The following RERE variants were observed in gnomAD, a reference collection of about 807,000 sequenced individuals.
RERE encodes arginine-glutamic acid dipeptide repeats protein.
Under a neutral mutation model 146.1 loss-of-function variants are expected in RERE, and 40 were observed. The ratio of observed to expected loss-of-function variants is 0.27; its 90% CI spans 0.21 to 0.36. The LOEUF (loss-of-function observed/expected upper bound fraction) is 0.36. RERE is among the 10% of genes least tolerant of loss of function. The probability of loss-of-function intolerance (pLI) is 1.00; values close to 1 mark genes in which losing one functional copy is unlikely to be tolerated. For missense variants in RERE, 1,933 were observed against 2,138.7 expected, an observed-to-expected ratio of 0.90 and a Z score of 1.90; for synonymous variants, 1,003 against 866.0, an observed-to-expected ratio of 1.16 and a Z score of -2.78.
At chr1:8,554,865 A>G (rs1370062383) in intron 6 of RERE, among the ~76,000 whole-genome samples, 1 of 151,528 alleles carries the variant, frequency 6.6e-6, no homozygotes, top group East Asian at 1.9e-4. Flanking sequence ...GGATTAAGTC[A>G]CTGGTCCCAG....
At chr1:8,456,990 T>A (rs1557640900) in intron 11 of RERE, among the ~76,000 whole-genome samples, 1 of 152,268 alleles carries the variant, frequency 6.6e-6, no homozygotes, top group South Asian at 2.1e-4. Flanking sequence ...CACTACAATC[T>A]CAACTCCATG....
At chr1:8,801,191 T>C (rs1299936476) in intron 1 of RERE, among the ~76,000 whole-genome samples, 2 of 150,144 alleles carry the variant, frequency 1.3e-5, no homozygotes, top group African/African-American at 4.9e-5. Flanking sequence ...GCCCAGGAGG[T>C]TGAGGCTGCA....
In RERE at chr1:8,358,183, C is replaced by T; in HGVS notation, c.4339+13G>A. Reference sequence around the variant, plus strand: ...CCGTGCCTCTGTCCCACCTGCCACGCTGGGGCACGCACCTTGGTGGAGGGG... The same window carrying T: ...CCGTGCCTCTGTCCCACCTGCCACGTTGGGGCACGCACCTTGGTGGAGGGG... On this transcript the variant is annotated intron_variant, in intron 20 of 22. Transcript: ENST00000400908. 1 of 1,577,152 alleles carries T rather than the reference C, an allele frequency of 6.3e-7. No individual in the cohort carries two copies. Among genetic ancestry groups the T allele is most frequent in the Non-Finnish European group, 8.7e-7 (1 of 1,154,174 alleles).
chr1:8,390,388 T>C (rs2708628), intron 12 of RERE, among the ~76,000 whole-genome samples: 29,713 of 152,220 alleles, frequency 0.2, 3,414 homozygotes, highest in Middle Eastern at 0.4. Context: ...CTGGTAGTTT[T>C]GGGAGCTAGC....
chr1:8,761,636 G>A (rs978563156), intron 1 of RERE, among the ~76,000 whole-genome samples: 1 of 152,028 alleles, frequency 6.6e-6, no homozygotes, highest in Non-Finnish European at 1.5e-5. Context: ...TTAGATTCTC[G>A]GCCGGGCATG....
At chr1:8,779,623 A>G (rs1454327070) in intron 1 of RERE, among the ~76,000 whole-genome samples, 1 of 152,094 alleles carries the variant, frequency 6.6e-6, no homozygotes, top group East Asian at 1.9e-4. Context: ...AGATCACGCC[A>G]CTGCACTCCA....
At chr1:8,413,347 T>G (rs1643665536) in intron 12 of RERE, among the ~76,000 whole-genome samples, 1 of 151,862 alleles carries the variant, frequency 6.6e-6, no homozygotes, top group Non-Finnish European at 1.5e-5. Flanking sequence ...AATTTTGTTT[T>G]TTGTTGTTGT....
At chr1:8,388,091 G>A (rs965521653) in intron 12 of RERE, among the ~76,000 whole-genome samples, 8 of 152,118 alleles carry the variant, frequency 5.3e-5, no homozygotes, top group African/African-American at 1.9e-4. Context: ...GCTGCCTCTC[G>A]GGATAAAGGG....
chr1:8,641,745 G>A (rs534726962), intron 2 of RERE, among the ~76,000 whole-genome samples: 125 of 152,268 alleles, frequency 8.2e-4, no homozygotes, highest in Admixed American at 1.9e-3. Context: ...CAACTGTGAG[G>A]CAGTAACATC....
At chr1:8,786,546 G>A (rs1362652284) in intron 1 of RERE, 3 of 778,568 alleles carry the variant, frequency 3.9e-6, no homozygotes, top group East Asian at 4.9e-5. Flanking sequence ...TCCTCAGCAT[G>A]TTAACTGAAG....
At chr1:8,383,202 C>G (rs1642516178) in intron 12 of RERE, among the ~76,000 whole-genome samples, 1 of 151,796 alleles carries the variant, frequency 6.6e-6, no homozygotes, top group African/African-American at 2.4e-5. Context: ...GAAGAGTATT[C>G]TGTCTGAAGA....
At chr1:8,794,436 T>C (rs1165821355) in intron 1 of RERE, among the ~76,000 whole-genome samples, 1 of 151,738 alleles carries the variant, frequency 6.6e-6, no homozygotes, top group Non-Finnish European at 1.5e-5. Context: ...TCTACATCTT[T>C]ATATTAAAGG....
At chr1:8,696,565 G>C (rs909787945) in intron 1 of RERE, among the ~76,000 whole-genome samples, 1 of 152,110 alleles carries the variant, frequency 6.6e-6, no homozygotes, top group African/African-American at 2.4e-5. Context: ...AATGAGCTGA[G>C]ATTGTGCCAC....
chr1:8,483,527 C>A (rs1644861819), intron 10 of RERE, among the ~76,000 whole-genome samples: 1 of 152,206 alleles, frequency 6.6e-6, no homozygotes, highest in African/African-American at 2.4e-5. Context: ...ATAGGGTTAT[C>A]TGCATATTCT....
chr1:8,369,944 C>A (rs1641972022), intron 12 of RERE, among the ~76,000 whole-genome samples: 1 of 152,054 alleles, frequency 6.6e-6, no homozygotes, highest in African/African-American at 2.4e-5. Flanking sequence ...AGCCCGCCAC[C>A]AGCCCGGCTA....
intron 1 of RERE, among the ~76,000 whole-genome samples, chr1:8,809,137 TAAA>T (rs58263107): frequency 5.3e-5 from 5 of 95,054 alleles, no homozygotes; most frequent in Admixed American, 1.1e-4. Context: ...GACTTTGTCT[TAAA>T]AAAAAAAAAA....
rs374833497 is a variant in RERE at position 8,754,126 on chromosome 1, T to C, written c.-145+63034A>G. ...TGCACATCATGATGTCTTGTAAAGG[T>C]TGAAATCCCTGAGAGAATATGTTTG... On this transcript the variant is annotated intron_variant, in intron 1 of 22. Coordinates refer to ENST00000400908, the MANE Select transcript of RERE (RefSeq NM_001042681.2). Among the ~76,000 whole-genome samples the C allele has an allele frequency of 5.9e-5, 9 of 152,330 alleles. No individual in the cohort carries two copies. The East Asian group carries it at 9.6e-4, about 16-fold the overall frequency.
At chr1:8,768,124 A>T (rs1640882505) in intron 1 of RERE, among the ~76,000 whole-genome samples, 1 of 152,168 alleles carries the variant, frequency 6.6e-6, no homozygotes, top group Non-Finnish European at 1.5e-5. Context: ...CCATTAGCTG[A>T]ATGATGTCTT....
At chr1:8,562,548 G>A (rs1015890091) in intron 4 of RERE, among the ~76,000 whole-genome samples, 1 of 152,088 alleles carries the variant, frequency 6.6e-6, no homozygotes, top group African/African-American at 2.4e-5. Flanking sequence ...GAGTGCAATG[G>A]CACCATCATG....
Sources: allele counts gnomAD v4.1 joint callset (sites outside exome capture counted in the v4.1 genomes callset), GRCh38; gene constraint gnomAD v4.1.1; transcripts MANE v1.5; gene names NCBI Gene and HGNC (gene_info 2026-07-23, HGNC 2026-07-21).